FAM78A: variants seen among roughly 807,000 people sequenced by gnomAD.
The protein encoded by FAM78A is family with sequence similarity 78 member A, also known as protein FAM78A.
FAM78A carries 12 observed loss-of-function variants against 22.6 expected under a neutral mutation model. That is an observed-to-expected ratio of 0.53 (90% CI 0.34 to 0.86). The LOEUF (loss-of-function observed/expected upper bound fraction) is 0.86, where lower values mean the gene tolerates loss of function less well. FAM78A is among the 40% of genes least tolerant of loss of function. FAM78A has a pLI of 0.02. For missense variants in FAM78A, 322 were observed against 396.1 expected, an observed-to-expected ratio of 0.81 and a Z score of 1.59; for synonymous variants, 151 against 155.8, an observed-to-expected ratio of 0.97 and a Z score of 0.23.
chr9:131,260,661 G>C lies in FAM78A; in HGVS notation c.*161C>G, dbSNP rs942644771. On this transcript the variant is annotated 3_prime_UTR_variant, in exon 2 of 2. Coordinates refer to ENST00000372271, the MANE Select transcript of FAM78A (RefSeq NM_033387.4). This position sits in a 1 kb window ranked among gnomAD's most constrained non-coding sequence, Gnocchi z 5.4. ...CTCTCCCTGAAAGGAAGCAGGTGCC[G>C]AGAGCCGGGGAGGCCTTCCCGGGGG... 1.3e-6 allele frequency: 1 copy of C among 773,126 alleles called. No individual in the cohort carries two copies. Among genetic ancestry groups the C allele is most frequent in the Non-Finnish European group, 1.9e-6 (1 of 519,890 alleles). The allele number at this position is 773,126 out of a possible 1,614,324, so 47.9% of individuals were successfully genotyped here. A position where few individuals can be genotyped will look rare whatever the true frequency, so the allele number is the denominator to read the frequency against.
intron 1 of FAM78A, chr9:131,264,452 T>A: frequency 1.6e-6 from 1 of 635,680 alleles, no homozygotes; most frequent in Middle Eastern, 4.1e-4. Context: ...GGGTCCACTG[T>A]CAGCCCCAGC....
Position 131,276,416 on chromosome 9 carries a change from G to A in FAM78A, c.-237C>T. On this transcript the variant is annotated 5_prime_UTR_variant, in exon 1 of 2. Transcript: ENST00000372271. The surrounding 1 kb of genome is among the most constrained non-coding windows in gnomAD (Gnocchi z 4.3). The stretch of plus-strand genomic sequence containing the variant: ...TTCTTTGGGTTAAAAAAAGTTTGTA[G>A]TTTAATGAATAATTATGCGGTTCTG... The A allele has an allele frequency of 2.1e-6, 1 of 470,424 alleles. No individual in the cohort carries two copies. The highest frequency in any genetic ancestry group is 3.5e-5 in the South Asian group (1 of 28,710). The allele number at this position is 470,424 out of a possible 1,614,324, so 29.1% of individuals were successfully genotyped here.
upstream of FAM78A, chr9:131,276,559 G>GCGCGGCCGCGCCACCCT (rs1835487058): frequency 6.2e-6 from 1 of 160,488 alleles, no homozygotes; most frequent in Non-Finnish European, 1.4e-5. The surrounding 1 kb of genome is among the most constrained non-coding windows in gnomAD (Gnocchi z 4.3). Flanking sequence ...CTCTGTCCCC[G>GCGCGGCCGCGCCACCCT]CGCGGCCGCG....
In FAM78A at chr9:131,266,464, G is replaced by A. The variant is rs147364406; in HGVS notation, c.324-5114C>T. On this transcript the variant is annotated intron_variant, in intron 1 of 1. Transcript: ENST00000372271. ...CTCAGGGCCTTCTACCGGGAGCAGC[G>A]TCATCCTCGTCCTCATCCTCATCCT... is the stretch of plus-strand genomic sequence containing the variant. Among the ~76,000 whole-genome samples the A allele has an allele frequency of 4.7e-3, 715 of 151,842 alleles. 9 individuals are homozygous for A. Among genetic ancestry groups the A allele is most frequent in the African/African-American group, 0.017 (690 of 41,292 alleles).
chr9:131,277,575 G>A (rs558049013), upstream of FAM78A, among the ~76,000 whole-genome samples: 158 of 151,834 alleles, frequency 1.0e-3, 1 homozygote, highest in African/African-American at 3.7e-3. This position sits in a 1 kb window ranked among gnomAD's most constrained non-coding sequence, Gnocchi z 8.4. Flanking sequence ...CCGCTGGCCC[G>A]GGCAGCCGCT....
At position 131,274,797 on chromosome 9, in the gene FAM78A, G is replaced by A. The variant is rs1269973026; in HGVS notation, c.323+1060C>T. 1.3e-5 allele frequency among the ~76,000 whole-genome samples: 2 copies of A among 152,144 alleles called. No individual in the cohort carries two copies. Among genetic ancestry groups the A allele is most frequent in the African/African-American group, 4.8e-5 (2 of 41,422 alleles). Reference sequence around the variant, plus strand: ...AAACGGGGACGTGAAGCTGCACAGGGTAGACACTGAGAGAGGCTCTGGGAG... The same window carrying A: ...AAACGGGGACGTGAAGCTGCACAGGATAGACACTGAGAGAGGCTCTGGGAG... On this transcript the variant is annotated intron_variant, in intron 1 of 1. Transcript: ENST00000372271. The surrounding 1 kb of genome is among the most constrained non-coding windows in gnomAD (Gnocchi z 4.2).
intron 1 of FAM78A, among the ~76,000 whole-genome samples, chr9:131,271,001 C>CTTT (rs60077536): frequency 2.3e-4 from 16 of 70,354 alleles, no homozygotes; most frequent in Non-Finnish European, 3.8e-4. Flanking sequence ...TCCCACCAGT[C>CTTT]TTTTTTTTTT....
chr9:131,271,251 C>T (rs1342875978), intron 1 of FAM78A, among the ~76,000 whole-genome samples: 1 of 152,172 alleles, frequency 6.6e-6, no homozygotes, highest in Admixed American at 6.5e-5. Flanking sequence ...AACACAGTGA[C>T]AGCACTCATG....
At chr9:131,269,874 TA>T (rs1356548451) in intron 1 of FAM78A, among the ~76,000 whole-genome samples, 2 of 151,948 alleles carry the variant, frequency 1.3e-5, no homozygotes, top group East Asian at 3.9e-4. Flanking sequence ...GGCCCTGAGC[TA>T]GGGGCACAAA....
chr9:131,262,654 C>A (rs1835288875), intron 1 of FAM78A: 2 of 152,048 alleles, frequency 1.3e-5, no homozygotes, highest in African/African-American at 2.4e-5. Context: ...TGTCCAACGA[C>A]AGATAAATGG....
intron 1 of FAM78A, chr9:131,270,441 CTGTTGAGTGA>C: frequency 1.4e-6 from 1 of 717,454 alleles, no homozygotes. Context: ...ATTACTACGG[CTGTTGAGTGA>C]CGCCTCACTT....
intron 1 of FAM78A, chr9:131,264,777 G>A: frequency 3.4e-6 from 2 of 587,790 alleles, no homozygotes; most frequent in East Asian, 2.9e-5. Flanking sequence ...AGGCTGGAGT[G>A]CAGTGGCGGG....
chr9:131,265,761 C>T lies in FAM78A; in HGVS notation c.324-4411G>A, dbSNP rs1835336222. Among the ~76,000 whole-genome samples the T allele has an allele frequency of 1.3e-5, 2 of 152,158 alleles. No individual in the cohort carries two copies. The highest frequency in any genetic ancestry group is 3.9e-4 in the East Asian group (2 of 5,192). ...CTCAGGGCCCTTCTGAGTGCAGGCCCCGGACAGCTGTCCAGTCTAGGAGCC... is the reference window on the plus strand; with the variant it reads ...CTCAGGGCCCTTCTGAGTGCAGGCCTCGGACAGCTGTCCAGTCTAGGAGCC... On this transcript the variant is annotated intron_variant, in intron 1 of 1. Coordinates refer to ENST00000372271, the MANE Select transcript of FAM78A (RefSeq NM_033387.4). The surrounding 1 kb of genome is among the most constrained non-coding windows in gnomAD (Gnocchi z 4.3).
rs1379842459 is a variant in FAM78A at position 131,264,850 on chromosome 9, A to C, written c.324-3500T>G. On this transcript the variant is annotated intron_variant, in intron 1 of 1. Coordinates refer to ENST00000372271, the MANE Select transcript of FAM78A (RefSeq NM_033387.4). ...GTGATTCTTCTGCCTCAGCCTCCTGAGTAGGTAGGACCACAGGCACCCACC... is the reference window on the plus strand; with the variant it reads ...GTGATTCTTCTGCCTCAGCCTCCTGCGTAGGTAGGACCACAGGCACCCACC... 8 of 504,664 alleles carry C rather than the reference A, an allele frequency of 1.6e-5. No homozygotes were observed. The Admixed American group carries it at 2.8e-4, about 18-fold the overall frequency. 31.3% of individuals were successfully genotyped at this position (504,664 alleles called of 1,614,324 possible). A position where few individuals can be genotyped will look rare whatever the true frequency, so the allele number is the denominator to read the frequency against.
Position 131,275,283 on chromosome 9 carries a change from T to C in FAM78A, c.323+574A>G, listed in dbSNP as rs150814025. 4.5e-4 allele frequency among the ~76,000 whole-genome samples: 69 copies of C among 152,266 alleles called. No individual in the cohort carries two copies. The highest frequency in any genetic ancestry group is 1.5e-3 in the African/African-American group (62 of 41,562). ...CAGAAAGCGATACACTGTGAAGAAA[T>C]CGGGCTTCTAAAACTAACTGTGCTC... On this transcript the variant is annotated intron_variant, in intron 1 of 1. Transcript: ENST00000372271. This position sits in a 1 kb window ranked among gnomAD's most constrained non-coding sequence, Gnocchi z 4.6.
intron 1 of FAM78A, among the ~76,000 whole-genome samples, chr9:131,266,599 C>A (rs1353290111): frequency 6.6e-6 from 1 of 152,210 alleles, no homozygotes; most frequent in East Asian, 1.9e-4. Context: ...AGAAGCCTGC[C>A]TGGACCCTCC....
chr9:131,276,944 C>T (rs1252084489), upstream of FAM78A, among the ~76,000 whole-genome samples: 1 of 149,422 alleles, frequency 6.7e-6, no homozygotes, highest in Non-Finnish European at 1.5e-5. The surrounding 1 kb of genome is among the most constrained non-coding windows in gnomAD (Gnocchi z 4.3). Context: ...CGCCGAGGAC[C>T]TGGTGGGAGG....
chr9:131,267,830 G>A (rs1835362777), intron 1 of FAM78A, among the ~76,000 whole-genome samples: 1 of 152,064 alleles, frequency 6.6e-6, no homozygotes. Flanking sequence ...CAGATCACAA[G>A]GTCAGGAGAT....
intron 1 of FAM78A, chr9:131,264,731 T>TA (rs1835322402): frequency 1.6e-6 from 1 of 641,714 alleles, no homozygotes. Flanking sequence ...CTGACCTTTT[T>TA]TTTTTTTTTT....
Sources: gnomAD v4.1 joint callset for allele counts (sites outside exome capture counted in the v4.1 genomes callset) on GRCh38, gnomAD v4.1.1 for gene constraint, Gnocchi (gnomAD v3.1) non-coding constraint, MANE v1.5 for transcripts, NCBI Gene and HGNC (gene_info 2026-07-23, HGNC 2026-07-21) for gene names.